LRRC69: variants seen among roughly 807,000 people sequenced by gnomAD.
LRRC69 encodes the protein leucine rich repeat containing 69.
A neutral mutation model predicts 37.8 loss-of-function variants in LRRC69; 42 were observed. The ratio of observed to expected loss-of-function variants is 1.11; its 90% CI spans 0.87 to 1.44. LRRC69 has a LOEUF of 1.44. Among genes scored for constraint, LRRC69 ranks in the 40% most tolerant of loss-of-function variants. The probability of loss-of-function intolerance (pLI) is 0.00; values close to 1 mark genes in which losing one functional copy is unlikely to be tolerated. For missense variants in LRRC69, 357 were observed against 401.9 expected (o/e 0.89, Z 0.96); for synonymous variants, 141 against 143.1 (o/e 0.99, Z 0.11).
chr8:91,214,126 T>G (rs4515507), intron 7 of LRRC69, among the ~76,000 whole-genome samples: 109,764 of 151,908 alleles, frequency 0.72, 40,592 homozygotes, highest in African/African-American at 0.87. Context: ...TAGAGTGGTT[T>G]CCTACTGTGG....
intron 5 of LRRC69, among the ~76,000 whole-genome samples, chr8:91,186,140 G>A (rs945010588): frequency 6.6e-6 from 1 of 152,124 alleles, no homozygotes; most frequent in Non-Finnish European, 1.5e-5. Flanking sequence ...TGTGTCTGGC[G>A]TTTCTGAGAA....
intron 5 of LRRC69, among the ~76,000 whole-genome samples, chr8:91,136,679 C>T (rs374252081): frequency 1.3e-5 from 2 of 152,076 alleles, no homozygotes; most frequent in Non-Finnish European, 2.9e-5. Flanking sequence ...CTTTGTACAC[C>T]TATTTTAGAA....
intron 4 of LRRC69, among the ~76,000 whole-genome samples, chr8:91,134,426 G>A (rs1000164031): frequency 2.0e-5 from 3 of 151,710 alleles, no homozygotes; most frequent in Admixed American, 6.6e-5. Flanking sequence ...AGAGCCCAGC[G>A]TTCTGAGGTC....
chr8:91,211,853 G>T (rs910377092), intron 7 of LRRC69, among the ~76,000 whole-genome samples: 2 of 151,766 alleles, frequency 1.3e-5, no homozygotes, highest in African/African-American at 2.4e-5. Context: ...GATGATAAAT[G>T]GGTCTTTATT....
At position 91,189,507 on chromosome 8, in the gene LRRC69, A is replaced by G. The variant is rs1809457524; in HGVS notation, c.652-15A>G. 2 of 1,515,698 alleles carry G rather than the reference A, an allele frequency of 1.3e-6. No homozygotes were observed. Among genetic ancestry groups the G allele is most frequent in the African/African-American group, 1.4e-5 (1 of 72,062 alleles). The allele number at this position is 1,515,698 out of a possible 1,614,324, so 93.9% of individuals were successfully genotyped here. ...TATTTTGTTGTGCAATAAGGTTTTT[A>G]TTTTGTTTGAAAAGTTTCAGGATCT... On this transcript the variant is annotated splice_polypyrimidine_tract_variant and intron_variant, in intron 5 of 7. Transcript: ENST00000448384.
chr8:91,205,505 T>A (rs773552983), intron 7 of LRRC69: 67 of 151,838 alleles, frequency 4.4e-4, no homozygotes, highest in African/African-American at 1.6e-3. Flanking sequence ...ACTAGCTCTG[T>A]GGATCCTGAC....
At chr8:91,167,238 G>A (rs1809046148) in intron 5 of LRRC69, among the ~76,000 whole-genome samples, 1 of 151,798 alleles carries the variant, frequency 6.6e-6, no homozygotes, top group African/African-American at 2.4e-5. Context: ...AGTTCCATAT[G>A]GTTGGGGAGG....
chr8:91,179,254 A>G (rs1041553595), intron 5 of LRRC69, among the ~76,000 whole-genome samples: 1 of 152,170 alleles, frequency 6.6e-6, no homozygotes, highest in Non-Finnish European at 1.5e-5. Context: ...GCTTCTGGAG[A>G]GGCCTCAGAA....
chr8:91,178,416 T>C (rs1056962118), intron 5 of LRRC69, among the ~76,000 whole-genome samples: 4 of 152,066 alleles, frequency 2.6e-5, no homozygotes, highest in Non-Finnish European at 4.4e-5. Context: ...GATGACTTTC[T>C]TCCTAATAGA....
intron 3 of LRRC69, among the ~76,000 whole-genome samples, chr8:91,129,281 C>T (rs1016366308): frequency 2.7e-4 from 41 of 151,996 alleles, no homozygotes; most frequent in African/African-American, 9.7e-4. Context: ...ATTCGTCAGT[C>T]AGTGAAGTTG....
chr8:91,189,688 T>G (rs774250057), intron 6 of LRRC69, 65 bp downstream of exon 6: 3 of 1,153,728 alleles, frequency 2.6e-6, no homozygotes, highest in Middle Eastern at 2.0e-4. Flanking sequence ...TTAAAGCGTT[T>G]TCTTTTAAAA....
intron 5 of LRRC69, among the ~76,000 whole-genome samples, chr8:91,148,442 A>G (rs1586246417): frequency 6.6e-6 from 1 of 151,882 alleles, no homozygotes; most frequent in Admixed American, 6.6e-5. Context: ...ATAGTATTCC[A>G]TGGTGTATAT....
chr8:91,138,907 A>G (rs1808473188), intron 5 of LRRC69: 1 of 151,832 alleles, frequency 6.6e-6, no homozygotes, highest in Admixed American at 6.6e-5. Flanking sequence ...CAAACAAACC[A>G]CCAAAAAAAT....
At chr8:91,218,560 C>T (rs752680554) in intron 7 of LRRC69, among the ~76,000 whole-genome samples, 9 of 152,046 alleles carry the variant, frequency 5.9e-5, no homozygotes, top group Non-Finnish European at 1.2e-4. Flanking sequence ...ATTTAATACC[C>T]CTGAAGGACA....
At position 91,143,444 on chromosome 8, in the gene LRRC69, C is replaced by G. The variant is rs141365577; in HGVS notation, c.651+7705C>G. ...TACCCAATGCTACATTTTCCACAGT[C>G]ACTGCTTTCTTTCAGTTTCAAATTC... On this transcript the variant is annotated intron_variant, in intron 5 of 7. Coordinates refer to ENST00000448384, the Ensembl canonical transcript of LRRC69. Among the ~76,000 whole-genome samples the G allele has an allele frequency of 2.0e-3, 299 of 152,154 alleles. 2 individuals carry two copies. The highest frequency in any genetic ancestry group is 6.6e-3 in the African/African-American group (274 of 41,572).
chr8:91,165,809 A>AT (rs1279455925), intron 5 of LRRC69, among the ~76,000 whole-genome samples: 1 of 151,828 alleles, frequency 6.6e-6, no homozygotes, highest in Non-Finnish European at 1.5e-5. Flanking sequence ...GACAATACTT[A>AT]TGGTTGACGT....
chr8:91,183,621 A>G (rs956554007), intron 5 of LRRC69, among the ~76,000 whole-genome samples: 1 of 152,162 alleles, frequency 6.6e-6, no homozygotes, highest in African/African-American at 2.4e-5. Context: ...GGGTAAAAAA[A>G]AAAAGAAGAA....
intron 1 of LRRC69, among the ~76,000 whole-genome samples, chr8:91,111,961 G>A (rs570769109): frequency 1.4e-4 from 21 of 151,774 alleles, no homozygotes; most frequent in African/African-American, 2.2e-4. Context: ...AAAGTACACC[G>A]TGCTATGCAA....
At chr8:91,159,677 T>C (rs756770472) in intron 5 of LRRC69, among the ~76,000 whole-genome samples, 13 of 151,218 alleles carry the variant, frequency 8.6e-5, no homozygotes, top group Non-Finnish European at 1.5e-4. Context: ...CTACTTCATT[T>C]GATTCAGAGA....
Sources: allele counts gnomAD v4.1 joint callset (sites outside exome capture counted in the v4.1 genomes callset), GRCh38; gene constraint gnomAD v4.1.1; transcripts MANE v1.5; gene names NCBI Gene and HGNC (gene_info 2026-07-23, HGNC 2026-07-21).